PTPRK: variants seen among roughly 807,000 people sequenced by gnomAD.
The protein encoded by PTPRK is protein tyrosine phosphatase receptor type K.
In PTPRK, 75 loss-of-function variants were observed where a neutral mutation model predicts 178.0. The observed-to-expected ratio is 0.42, with a 90% CI of 0.35 to 0.51. The LOEUF (loss-of-function observed/expected upper bound fraction) is 0.51, where lower values mean the gene tolerates loss of function less well. Ranked by LOEUF, PTPRK falls within the 20% of genes least tolerant of loss-of-function variation. The pLI is 0.02. For synonymous variants in PTPRK, 637 were observed against 620.6 expected (o/e 1.03, Z -0.39); for missense variants, 1,441 against 1,797.8 (o/e 0.80, Z 3.59).
intron 2 of PTPRK, among the ~76,000 whole-genome samples, chr6:128,325,494 T>C (rs968287567): frequency 6.6e-6 from 1 of 151,578 alleles, no homozygotes; most frequent in Non-Finnish European, 1.5e-5. Flanking sequence ...AACAAACCCA[T>C]CAAAAAGTGG....
At chr6:128,325,629 C>T (rs1829449108) in intron 2 of PTPRK, among the ~76,000 whole-genome samples, 1 of 152,124 alleles carries the variant, frequency 6.6e-6, no homozygotes, top group African/African-American at 2.4e-5. Context: ...GATACCATCT[C>T]ACGCCAGTTA....
At chr6:128,009,033 T>C in intron 14 of PTPRK, 97 bp downstream of exon 14, 2 of 1,144,604 alleles carry the variant, frequency 1.7e-6, no homozygotes, top group Non-Finnish European at 2.4e-6. Context: ...TTTCTTCCTG[T>C]TGTTTGTTCT....
At chr6:128,021,021 A>C (rs1582545599) in intron 13 of PTPRK, among the ~76,000 whole-genome samples, 1 of 152,334 alleles carries the variant, frequency 6.6e-6, no homozygotes, top group South Asian at 2.1e-4. Context: ...AAATGATTTT[A>C]GTTGAGCTCT....
intron 1 of PTPRK, chr6:128,501,037 C>A (rs1855489971): frequency 6.6e-6 from 1 of 152,074 alleles, no homozygotes; most frequent in Admixed American, 6.6e-5. Flanking sequence ...GCAACCACAC[C>A]CAGCTAATTT....
intron 1 of PTPRK, among the ~76,000 whole-genome samples, chr6:128,427,680 T>C (rs1278035231): frequency 1.3e-5 from 2 of 152,160 alleles, no homozygotes; most frequent in Non-Finnish European, 2.9e-5. Context: ...CTAGATATCG[T>C]CTTCAATTCC....
Position 127,973,801 on chromosome 6 carries a change from T to C in PTPRK, c.3996A>G (p.Gln1332=). 1.2e-6 allele frequency: 2 copies of C among 1,613,756 alleles called. No individual in the cohort carries two copies. The highest frequency in any genetic ancestry group is 1.3e-5 in the African/African-American group (1 of 75,046). ...AAGCCCATCCTAGGTACTGAAACTG[T>C]TGCACCATCAGATAACCTTCCTGTG... ...TRPQEGYLMV[Q]QFQYLGWASH... is the part of the protein sequence containing the mutation. Residue 1332 remains glutamine, a synonymous_variant, in exon 28 of 30, where the codon CAA becomes CAG. Transcript: ENST00000368226.
chr6:128,145,568 T>C (rs1396057389), intron 7 of PTPRK, among the ~76,000 whole-genome samples: 2 of 151,972 alleles, frequency 1.3e-5, no homozygotes, highest in African/African-American at 4.8e-5. Flanking sequence ...ATAGGTGAAA[T>C]TCAGAATATG....
At chr6:128,176,145 G>A (rs1801035882) in intron 7 of PTPRK, among the ~76,000 whole-genome samples, 1 of 151,834 alleles carries the variant, frequency 6.6e-6, no homozygotes, top group Non-Finnish European at 1.5e-5. Context: ...TAAAAGGAGA[G>A]TGTGTACATA....
At chr6:128,352,538 C>T (rs1833335621) in intron 2 of PTPRK, among the ~76,000 whole-genome samples, 1 of 152,140 alleles carries the variant, frequency 6.6e-6, no homozygotes, top group South Asian at 2.1e-4. Context: ...AGCTTATCTA[C>T]TGCCCTTCTT....
At chr6:128,449,018 C>A (rs976376749) in intron 1 of PTPRK, among the ~76,000 whole-genome samples, 1 of 152,142 alleles carries the variant, frequency 6.6e-6, no homozygotes, top group Non-Finnish European at 1.5e-5. Flanking sequence ...CACCACCACG[C>A]CTGGCTAATT....
Position 127,985,768 on chromosome 6 carries a change from G to T in PTPRK, c.3204C>A (p.Val1068=), listed in dbSNP as rs1289183103. ...ATGLLSFIRR[V]KLSNPPSAGP... is the part of the protein sequence containing the mutation. ...CAGCACTGGGAGGGTTTGATAACTT[G>T]ACTCGCCGGATAAAGGAAAGCAGCC... Residue 1068 remains valine (V), a synonymous_variant, in exon 22 of 30, where the codon GTC becomes GTA. Coordinates refer to ENST00000368226, the MANE Select transcript of PTPRK (RefSeq NM_002844.4). 6.2e-7 allele frequency: 1 copy of T among 1,613,926 alleles called. No individual in the cohort carries two copies. The highest frequency in any genetic ancestry group is 8.5e-7 in the Non-Finnish European group (1 of 1,179,886).
At position 128,323,299 on chromosome 6, in the gene PTPRK, C is replaced by A. The variant is rs556731244; in HGVS notation, c.224-989G>T. ...GTAAGACAACCAATTGTTCTCATGT[C>A]ATTGTGGATTTTAACAAAGACACAT... On this transcript the variant is annotated intron_variant, in intron 2 of 29. Coordinates refer to ENST00000368226, the MANE Select transcript of PTPRK (RefSeq NM_002844.4). Among the ~76,000 whole-genome samples the A allele has an allele frequency of 7.9e-5, 12 of 152,212 alleles. No individual in the cohort carries two copies. The South Asian group carries it at 2.1e-3, about 26-fold the overall frequency.
chr6:128,251,160 A>T (rs1031084702), intron 3 of PTPRK, among the ~76,000 whole-genome samples: 4 of 152,258 alleles, frequency 2.6e-5, no homozygotes, highest in East Asian at 3.9e-4. Flanking sequence ...CCTGAAGGAG[A>T]TATATACCTG....
intron 7 of PTPRK, among the ~76,000 whole-genome samples, chr6:128,170,950 G>A (rs1039073821): frequency 2.0e-5 from 3 of 151,024 alleles, no homozygotes; most frequent in East Asian, 3.9e-4. Context: ...TGATGCATAT[G>A]GATACACGTG....
chr6:128,316,999 C>G (rs1290451546), intron 3 of PTPRK, among the ~76,000 whole-genome samples: 1 of 152,082 alleles, frequency 6.6e-6, no homozygotes, highest in Admixed American at 6.6e-5. Flanking sequence ...AAAGTAGCAG[C>G]AAAGATGTTT....
At chr6:128,227,328 C>A (rs1583577316) in intron 5 of PTPRK, among the ~76,000 whole-genome samples, 1 of 152,100 alleles carries the variant, frequency 6.6e-6, no homozygotes, top group Non-Finnish European at 1.5e-5. Flanking sequence ...ATGAAACCAC[C>A]AGATCTGAGG....
intron 13 of PTPRK, among the ~76,000 whole-genome samples, chr6:128,029,347 C>T (rs867355626): frequency 4.6e-5 from 7 of 152,032 alleles, no homozygotes; most frequent in African/African-American, 7.2e-5. Flanking sequence ...ACCATTTAAA[C>T]CTCTTCTCTT....
At chr6:128,222,319 C>T (rs1810563805) in intron 5 of PTPRK, among the ~76,000 whole-genome samples, 1 of 152,218 alleles carries the variant, frequency 6.6e-6, no homozygotes, top group Non-Finnish European at 1.5e-5. Context: ...GTACCTTACA[C>T]CCTCTTTCAG....
intron 7 of PTPRK, among the ~76,000 whole-genome samples, chr6:128,126,736 A>G (rs1445509978): frequency 6.6e-6 from 1 of 152,198 alleles, no homozygotes; most frequent in African/African-American, 2.4e-5. Context: ...CAACGCTCCC[A>G]TCTTGGCCTC....
Sources: gnomAD v4.1 joint callset for allele counts (sites outside exome capture counted in the v4.1 genomes callset) on GRCh38, gnomAD v4.1.1 for gene constraint, MANE v1.5 for transcripts, NCBI Gene and HGNC (gene_info 2026-07-23, HGNC 2026-07-21) for gene names.